The following TENM2 variants were observed in gnomAD, a reference collection of about 807,000 sequenced individuals.
TENM2 encodes teneurin-2.
A neutral mutation model predicts 245.2 loss-of-function variants in TENM2; 52 were observed. That is an observed-to-expected ratio of 0.21 (90% CI 0.17 to 0.27). The LOEUF is 0.27. Among genes scored for constraint, TENM2 ranks in the 10% least tolerant of loss-of-function variants. The pLI is 1.00. For synonymous variants in TENM2, 1,363 were observed against 1,438.9 expected, an observed-to-expected ratio of 0.95 and a Z score of 1.19; for missense variants, 3,046 against 3,666.8, an observed-to-expected ratio of 0.83 and a Z score of 4.37.
At chr5:167,517,744 A>G (rs1355116950) in intron 2 of TENM2, among the ~76,000 whole-genome samples, 1 of 152,132 alleles carries the variant, frequency 6.6e-6, no homozygotes, top group Non-Finnish European at 1.5e-5. Context: ...TGGATCCTTT[A>G]CCAGATTTGT....
At chr5:167,238,175 AT>A in the TENM2 span, among the ~76,000 whole-genome samples, 2 of 152,202 alleles carry the variant, frequency 1.3e-5, no homozygotes, top group East Asian at 3.8e-4. Context: ...TATATTTTCC[AT>A]AAGAGCGTTA....
At chr5:168,139,897 G>T (rs940179470) in intron 12 of TENM2, among the ~76,000 whole-genome samples, 1 of 152,174 alleles carries the variant, frequency 6.6e-6, no homozygotes, top group East Asian at 1.9e-4. Context: ...GGATTGTTAT[G>T]TATGGTCTCC....
chr5:167,157,081 G>A, the TENM2 span, among the ~76,000 whole-genome samples: 1 of 152,102 alleles, frequency 6.6e-6, no homozygotes, highest in East Asian at 1.9e-4. Context: ...AAGCAGTTTT[G>A]TAGACTCTCA....
chr5:167,700,619 A>G (rs1006772608), intron 2 of TENM2, among the ~76,000 whole-genome samples: 2 of 152,182 alleles, frequency 1.3e-5, no homozygotes, highest in East Asian at 1.9e-4. Flanking sequence ...TGGTACACCT[A>G]TGCCCCTGTA....
chr5:167,555,083 G>A (rs182035191), intron 2 of TENM2, among the ~76,000 whole-genome samples: 3 of 152,014 alleles, frequency 2.0e-5, no homozygotes, highest in Admixed American at 1.3e-4. Flanking sequence ...ACAGTCATGC[G>A]CGTGCACGCA....
chr5:167,133,728 A>G, the TENM2 span, among the ~76,000 whole-genome samples: 1 of 151,908 alleles, frequency 6.6e-6, no homozygotes, highest in Non-Finnish European at 1.5e-5. Flanking sequence ...CCCTCAGCAG[A>G]CTGAATTTTC....
At chr5:167,115,222 G>T in the TENM2 span, among the ~76,000 whole-genome samples, 4 of 152,166 alleles carry the variant, frequency 2.6e-5, no homozygotes, top group Admixed American at 2.6e-4. Context: ...CTGGTTGTGG[G>T]TGTCTAATTC....
chr5:167,128,288 C>T, the TENM2 span, among the ~76,000 whole-genome samples: 2 of 152,026 alleles, frequency 1.3e-5, no homozygotes, highest in African/African-American at 2.4e-5. Context: ...CGCCATGAAC[C>T]GACCTCAGTT....
chr5:168,036,664 A>ATATATAT (rs56397479), intron 5 of TENM2, among the ~76,000 whole-genome samples: 1 of 101,336 alleles, frequency 9.9e-6, no homozygotes, highest in African/African-American at 4.3e-5. Flanking sequence ...ATATATATAT[A>ATATATAT]ATATATGTAT....
intron 2 of TENM2, among the ~76,000 whole-genome samples, chr5:167,823,903 A>T (rs185101381): frequency 2.7e-4 from 41 of 152,212 alleles, no homozygotes; most frequent in African/African-American, 8.9e-4. Flanking sequence ...GGTAGGTTGG[A>T]CGGCCTCTCC....
intron 11 of TENM2, among the ~76,000 whole-genome samples, chr5:168,125,321 G>A (rs530247539): frequency 2.2e-4 from 34 of 152,208 alleles, no homozygotes; most frequent in African/African-American, 7.7e-4. Context: ...GTTTTCTTAT[G>A]TACATTCCCT....
chr5:167,037,148 T>C, the TENM2 span, among the ~76,000 whole-genome samples: 211 of 152,340 alleles, frequency 1.4e-3, 1 homozygote, highest in Non-Finnish European at 1.7e-3. Context: ...ATTGGGTGCA[T>C]AATGAATAAA....
chr5:167,843,649 A>C (rs1383138279), intron 2 of TENM2, among the ~76,000 whole-genome samples: 1 of 152,228 alleles, frequency 6.6e-6, no homozygotes, highest in Non-Finnish European at 1.5e-5. Context: ...GATGGTTTGC[A>C]GGAAAAAGAA....
At chr5:168,126,578 A>G (rs1173755459) in intron 11 of TENM2, among the ~76,000 whole-genome samples, 176 bp from the exon 14 acceptor site, 2 of 152,140 alleles carry the variant, frequency 1.3e-5, no homozygotes, top group African/African-American at 4.8e-5. Context: ...ACTTCTCTAG[A>G]AAAAAAGATC....
At chr5:167,724,518 G>A (rs143571863) in intron 2 of TENM2, among the ~76,000 whole-genome samples, 116 of 152,028 alleles carry the variant, frequency 7.6e-4, no homozygotes, top group Non-Finnish European at 1.4e-3. Context: ...TCATTCTATT[G>A]GGTGGAGGGA....
intron 2 of TENM2, among the ~76,000 whole-genome samples, chr5:167,852,143 T>G (rs1770636997): frequency 6.6e-6 from 1 of 152,252 alleles, no homozygotes; most frequent in Non-Finnish European, 1.5e-5. Flanking sequence ...GTTAAAATTG[T>G]AGGCAGTTGA....
intron 2 of TENM2, among the ~76,000 whole-genome samples, chr5:167,420,408 A>G (rs1222589204): frequency 6.6e-6 from 1 of 152,140 alleles, no homozygotes; most frequent in East Asian, 1.9e-4. Context: ...TATGATGGCA[A>G]GTGGAGTGGA....
At chr5:167,180,685 T>C in the TENM2 span, among the ~76,000 whole-genome samples, 1 of 152,130 alleles carries the variant, frequency 6.6e-6, no homozygotes, top group Non-Finnish European at 1.5e-5. Flanking sequence ...TTATATGTGT[T>C]ATATACTGCA....
intron 2 of TENM2, among the ~76,000 whole-genome samples, chr5:167,522,893 G>GT (rs1770859645): frequency 6.6e-6 from 1 of 151,324 alleles, no homozygotes; most frequent in South Asian, 2.1e-4. Context: ...TAGGGCTGCC[G>GT]TAATGAATTA....
Sources: gnomAD v4.1 joint callset for allele counts (sites outside exome capture counted in the v4.1 genomes callset) on GRCh38, gnomAD v4.1.1 for gene constraint, MANE v1.5 for transcripts, NCBI Gene and HGNC (gene_info 2026-07-23, HGNC 2026-07-21) for gene names.